Variants in ATP8B4 observed in about 807,000 individuals in gnomAD.
ATP8B4 encodes the protein ATPase phospholipid transporting 8B4 (putative), also known as probable phospholipid-transporting ATPase IM.
A neutral mutation model predicts 145.6 loss-of-function variants in ATP8B4; 133 were observed. The observed-to-expected ratio is 0.91, with a 90% CI of 0.79 to 1.05. The LOEUF is 1.05. ATP8B4 is among the 50% of genes least tolerant of loss of function. The probability of loss-of-function intolerance (pLI) is 0.00; values close to 1 mark genes in which losing one functional copy is unlikely to be tolerated. For missense variants in ATP8B4, 1,458 were observed against 1,425.2 expected, an observed-to-expected ratio of 1.02 and a Z score of -0.37; for synonymous variants, 507 against 492.9, an observed-to-expected ratio of 1.03 and a Z score of -0.38.
intron 16 of ATP8B4, among the ~76,000 whole-genome samples, chr15:49,927,651 C>G (rs1315485176): frequency 6.6e-6 from 1 of 152,076 alleles, no homozygotes; most frequent in Non-Finnish European, 1.5e-5. Context: ...GTGACCAATG[C>G]TGAGGAAAAG....
intron 2 of ATP8B4, among the ~76,000 whole-genome samples, chr15:50,076,790 T>A (rs62021714): frequency 6.6e-6 from 1 of 152,122 alleles, no homozygotes; most frequent in Non-Finnish European, 1.5e-5. Context: ...GGCAGAAAAT[T>A]TAGCATCCCT....
chr15:49,932,288 A>C (rs1038590421), intron 15 of ATP8B4, among the ~76,000 whole-genome samples: 1 of 151,916 alleles, frequency 6.6e-6, no homozygotes, highest in Non-Finnish European at 1.5e-5. Context: ...GGAAAGGGTG[A>C]AATGATAAAC....
At chr15:49,935,665 C>G (rs1266417314) in intron 14 of ATP8B4, among the ~76,000 whole-genome samples, 1 of 152,104 alleles carries the variant, frequency 6.6e-6, no homozygotes, top group Non-Finnish European at 1.5e-5. Flanking sequence ...GAGAAAATTA[C>G]TCTCAAACTT....
intron 3 of ATP8B4, among the ~76,000 whole-genome samples, chr15:50,057,202 T>C (rs952250560): frequency 2.0e-5 from 3 of 152,188 alleles, no homozygotes; most frequent in Non-Finnish European, 4.4e-5. Flanking sequence ...CTCTGGGTCA[T>C]ACAGTGACAC....
intron 3 of ATP8B4, among the ~76,000 whole-genome samples, chr15:50,067,465 A>C (rs560365260): frequency 6.6e-6 from 1 of 152,294 alleles, no homozygotes; most frequent in African/African-American, 2.4e-5. Flanking sequence ...GGTGGTACAA[A>C]TAAACAAGGC....
chr15:50,154,542 T>C (rs1002315579), intron 1 of ATP8B4, among the ~76,000 whole-genome samples: 16 of 152,348 alleles, frequency 1.1e-4, no homozygotes, highest in Admixed American at 8.5e-4. Flanking sequence ...TTATCAACTG[T>C]ATGTTATATA....
intron 6 of ATP8B4, among the ~76,000 whole-genome samples, chr15:50,022,356 A>T (rs1263835417): frequency 6.6e-6 from 1 of 152,160 alleles, no homozygotes; most frequent in Non-Finnish European, 1.5e-5. Flanking sequence ...CCTCCTATAC[A>T]TTATATTGAA....
chr15:49,999,753 C>A (rs2047733743), intron 8 of ATP8B4, among the ~76,000 whole-genome samples: 1 of 151,974 alleles, frequency 6.6e-6, no homozygotes, highest in Non-Finnish European at 1.5e-5. Flanking sequence ...AATATCACAA[C>A]CACGATATTG....
intron 1 of ATP8B4, among the ~76,000 whole-genome samples, chr15:50,181,376 T>C (rs1193659775): frequency 6.6e-6 from 1 of 152,224 alleles, no homozygotes; most frequent in African/African-American, 2.4e-5. Context: ...TTTTGAGTCA[T>C]GCCAATACCA....
intron 2 of ATP8B4, among the ~76,000 whole-genome samples, chr15:50,104,936 T>A (rs191403451): frequency 6.6e-6 from 1 of 150,544 alleles, no homozygotes; most frequent in East Asian, 2.0e-4. Flanking sequence ...ATGAACGAAA[T>A]AATGGCATTT....
intron 8 of ATP8B4, among the ~76,000 whole-genome samples, chr15:49,997,847 G>A (rs1345576052): frequency 6.6e-6 from 1 of 152,114 alleles, no homozygotes; most frequent in Non-Finnish European, 1.5e-5. Context: ...AAGCTAGTTT[G>A]CTTAAAAGTA....
intron 1 of ATP8B4, among the ~76,000 whole-genome samples, chr15:50,115,856 T>C (rs2057145823): frequency 6.6e-6 from 1 of 152,202 alleles, no homozygotes; most frequent in Non-Finnish European, 1.5e-5. Flanking sequence ...ACAGAGAGCA[T>C]TGCCATGGTC....
At chr15:49,945,199 A>G (rs1025341063) in intron 14 of ATP8B4, among the ~76,000 whole-genome samples, 2 of 152,170 alleles carry the variant, frequency 1.3e-5, no homozygotes, top group African/African-American at 4.8e-5. Flanking sequence ...ACATGATGAC[A>G]GAAATTAAGA....
chr15:49,899,788 C>G (rs1195560817), intron 21 of ATP8B4, among the ~76,000 whole-genome samples: 1 of 152,036 alleles, frequency 6.6e-6, no homozygotes. Flanking sequence ...AGCTTTCTGA[C>G]CATACTAGCA....
intron 13 of ATP8B4, 23 bp from the exon 14 acceptor site, chr15:49,962,043 T>C: frequency 1.3e-6 from 2 of 1,573,470 alleles, no homozygotes; most frequent in Non-Finnish European, 1.7e-6. Context: ...AAATTGAGAA[T>C]TAAAAGTAAG....
intron 7 of ATP8B4, 128 bp from the exon 8 acceptor site, chr15:50,002,351 T>A (rs2047964725): frequency 1.4e-6 from 1 of 706,368 alleles, no homozygotes; most frequent in African/African-American, 1.8e-5. Context: ...AGAAGTGAGA[T>A]CCTGTTCTAC....
At chr15:50,155,054 A>T (rs1212811117) in intron 1 of ATP8B4, among the ~76,000 whole-genome samples, 1 of 152,156 alleles carries the variant, frequency 6.6e-6, no homozygotes. Context: ...CATTATGCAT[A>T]GATTACTTAT....
chr15:50,084,661 G>A (rs1219558897), intron 2 of ATP8B4, among the ~76,000 whole-genome samples: 1 of 152,128 alleles, frequency 6.6e-6, no homozygotes, highest in African/African-American at 2.4e-5. Flanking sequence ...GTCTGAAAAA[G>A]GTCTTACAGG....
intron 24 of ATP8B4, 62 bp downstream of exon 24, chr15:49,879,314 C>T (rs1018035983): frequency 2.9e-5 from 41 of 1,417,006 alleles, no homozygotes; most frequent in Non-Finnish European, 3.8e-5. Context: ...CTACTTAGAA[C>T]CCACAAAAAA....
Sources: gnomAD v4.1 joint callset for allele counts (sites outside exome capture counted in the v4.1 genomes callset) on GRCh38, gnomAD v4.1.1 for gene constraint, MANE v1.5 for transcripts, NCBI Gene and HGNC (gene_info 2026-07-23, HGNC 2026-07-21) for gene names.